RPGRIP1L: variants seen among roughly 807,000 people sequenced by gnomAD.
The protein encoded by RPGRIP1L is protein fantom.
A neutral mutation model predicts 160.4 loss-of-function variants in RPGRIP1L; 131 were observed. That is an observed-to-expected ratio of 0.82 (90% confidence interval 0.71 to 0.94). RPGRIP1L has a LOEUF of 0.94. Ranked by LOEUF, RPGRIP1L falls within the 40% of genes least tolerant of loss-of-function variation. The pLI is 0.00. For synonymous variants in RPGRIP1L, 510 were observed against 515.8 expected (o/e 0.99, Z 0.15); for missense variants, 1,522 against 1,535.8 (o/e 0.99, Z 0.15).
At chr16:53,686,290 G>T in intron 6 of RPGRIP1L, 143 bp downstream of exon 6, 1 of 909,862 alleles carries the variant, frequency 1.1e-6, no homozygotes, top group Non-Finnish European at 1.7e-6. Context: ...CAGTTAGTAG[G>T]TCGAGCATAG....
intron 4 of RPGRIP1L, among the ~76,000 whole-genome samples, chr16:53,689,881 A>C (rs975204022): frequency 1.3e-5 from 2 of 152,214 alleles, no homozygotes; most frequent in Non-Finnish European, 2.9e-5. Context: ...AATCACCAAG[A>C]GAGTACAAAT....
intron 1 of RPGRIP1L, among the ~76,000 whole-genome samples, chr16:53,702,814 G>A (rs1971562285): frequency 6.6e-6 from 1 of 151,710 alleles, no homozygotes; most frequent in Non-Finnish European, 1.5e-5. Context: ...CACCAAGCAT[G>A]GCTTGTATCT....
intron 24 of RPGRIP1L, among the ~76,000 whole-genome samples, chr16:53,611,787 A>C (rs925997085): frequency 6.6e-6 from 1 of 152,200 alleles, no homozygotes; most frequent in Non-Finnish European, 1.5e-5. Context: ...GAACAGTACA[A>C]TTTTCATCCT....
At chr16:53,670,392 T>C (rs1968614811) in intron 9 of RPGRIP1L, among the ~76,000 whole-genome samples, 1 of 152,202 alleles carries the variant, frequency 6.6e-6, no homozygotes, top group Admixed American at 6.5e-5. Flanking sequence ...CTATAACATA[T>C]GTATTTAAGT....
intron 2 of RPGRIP1L, among the ~76,000 whole-genome samples, chr16:53,699,022 CTT>C (rs1971143002): frequency 1.3e-5 from 2 of 152,118 alleles, no homozygotes; most frequent in Admixed American, 1.3e-4. Flanking sequence ...ACATGGGAGA[CTT>C]TTCATTTTGT....
intron 22 of RPGRIP1L, among the ~76,000 whole-genome samples, chr16:53,625,870 G>C (rs1245580665): frequency 6.6e-6 from 1 of 151,980 alleles, no homozygotes; most frequent in Admixed American, 6.6e-5. Flanking sequence ...TGAAACATGT[G>C]CTGTGTCAAC....
rs756141067 is a variant in RPGRIP1L, at chr16:53,652,854, G to C, written c.1833C>G (p.Ile611Met). ...ERGENLFEIH[I>M]NKVTFSSEVL... is the part of the protein sequence containing the mutation. ...CTTCAGAAGAAAAGGTTACTTTGTTGATATGGATTTCAAATAGATTTTCGC... is the reference window on the plus strand; with the variant it reads ...CTTCAGAAGAAAAGGTTACTTTGTTCATATGGATTTCAAATAGATTTTCGC... The change falls in exon 15 of 27, where the codon ATC (isoleucine) becomes ATG (methionine). Residue 611 changes from isoleucine to methionine, a missense_variant. Transcript: ENST00000647211. 3.1e-6 allele frequency: 5 copies of C among 1,612,960 alleles called. No individual in the cohort carries two copies. The highest frequency in any genetic ancestry group is 4.2e-6 in the Non-Finnish European group (5 of 1,179,570).
chr16:53,703,530 G>A (rs184745762), intron 1 of RPGRIP1L: 1 of 163,622 alleles, frequency 6.1e-6, no homozygotes, highest in African/African-American at 2.4e-5. Context: ...GGATAGAGAT[G>A]GCAATTAGCA....
chr16:53,608,642 T>C (rs1598211866), intron 25 of RPGRIP1L, among the ~76,000 whole-genome samples: 1 of 152,326 alleles, frequency 6.6e-6, no homozygotes. Flanking sequence ...ACTTTAGACA[T>C]GTCGGGGAAG....
Position 53,641,398 on chromosome 16 carries a change from G to C in RPGRIP1L, c.2761C>G (p.Leu921Val), listed in dbSNP as rs752374495. The change falls in exon 18 of 27, where the codon CTT becomes GTT. Residue 921 changes from leucine to valine, a missense_variant. By Grantham distance (32) the Leu-to-Val change is conservative. Coordinates refer to ENST00000647211, the MANE Select transcript of RPGRIP1L (RefSeq NM_015272.5). ...GTTGTTATTGATCCACTTGGTGGAA[G>C]GTAAGCAAATTTCCATTTCAATATA... is the stretch of plus-strand genomic sequence containing the variant. The part of the protein sequence containing the change: ...HVILKWKFAY[L>V]PPSGSITTED... 6.2e-7 allele frequency: 1 copy of C among 1,614,022 alleles called. No homozygotes were observed. Among genetic ancestry groups the C allele is most frequent in the African/African-American group, 1.3e-5 (1 of 75,036 alleles).
intron 1 of RPGRIP1L, among the ~76,000 whole-genome samples, chr16:53,702,692 T>C (rs532352808): frequency 2.6e-5 from 4 of 151,754 alleles, no homozygotes; most frequent in South Asian, 2.1e-4. Flanking sequence ...CTTTTCTTTT[T>C]TTTTTTTTTG....
intron 14 of RPGRIP1L, among the ~76,000 whole-genome samples, chr16:53,656,246 G>T (rs959995074): frequency 6.6e-6 from 1 of 152,092 alleles, no homozygotes; most frequent in Non-Finnish European, 1.5e-5. Flanking sequence ...GACGATTTGA[G>T]CCCAGGAGTT....
At chr16:53,644,849 C>T (rs955356064) in intron 17 of RPGRIP1L, among the ~76,000 whole-genome samples, 2 of 152,078 alleles carry the variant, frequency 1.3e-5, no homozygotes, top group African/African-American at 4.8e-5. Flanking sequence ...GTTCTTCAGG[C>T]TGAAGGAAAG....
At chr16:53,678,827 T>C (rs1969396232) in intron 6 of RPGRIP1L, among the ~76,000 whole-genome samples, 1 of 152,144 alleles carries the variant, frequency 6.6e-6, no homozygotes, top group South Asian at 2.1e-4. Context: ...AAAAGCACTC[T>C]AGATTTTCTT....
intron 6 of RPGRIP1L, 113 bp downstream of exon 6, chr16:53,686,320 A>C (rs2151316935): frequency 1.7e-6 from 2 of 1,153,516 alleles, no homozygotes; most frequent in Non-Finnish European, 2.5e-6. Flanking sequence ...AAGAATGTTA[A>C]GTAAAAACAT....
At chr16:53,650,736 G>A (rs750612426) in intron 15 of RPGRIP1L, among the ~76,000 whole-genome samples, 3 of 151,990 alleles carry the variant, frequency 2.0e-5, no homozygotes, top group Non-Finnish European at 2.9e-5. Flanking sequence ...AATAAAATCC[G>A]TCCTGAGACC....
chr16:53,601,922 T>C lies in RPGRIP1L; in HGVS notation c.*154A>G. Reference sequence around the variant, plus strand: ...AGAGAAATAAACAAATGAAAAAGTATACAAAACTTCAACACTTCAAACCCA... The same window carrying C: ...AGAGAAATAAACAAATGAAAAAGTACACAAAACTTCAACACTTCAAACCCA... On this transcript the variant is annotated 3_prime_UTR_variant, in exon 27 of 27. Transcript: ENST00000647211. 2 of 653,092 alleles carry C rather than the reference T, an allele frequency of 3.1e-6. No individual in the cohort carries two copies. Among genetic ancestry groups the C allele is most frequent in the East Asian group, 2.8e-5 (1 of 35,812 alleles). 40.5% of individuals were successfully genotyped at this position (653,092 alleles called of 1,614,324 possible). A position where few individuals can be genotyped will look rare whatever the true frequency, so the allele number is the denominator to read the frequency against.
At chr16:53,663,487 C>G (rs1456892184) in intron 10 of RPGRIP1L, among the ~76,000 whole-genome samples, 1 of 152,048 alleles carries the variant, frequency 6.6e-6, no homozygotes, top group Non-Finnish European at 1.5e-5. Context: ...GGCAATTTAT[C>G]TGCTCTTGGA....
chr16:53,641,052 A>G lies in RPGRIP1L; in HGVS notation c.2939T>C (p.Ile980Thr). 6.2e-7 allele frequency: 1 copy of G among 1,613,036 alleles called. No homozygotes were observed. The highest frequency in any genetic ancestry group is 2.2e-5 in the East Asian group (1 of 44,852). ...ACTTACATCACTCTGATGTGGCATG[A>G]TATCCACGAAAGATACCTTCTTATC... ...PVDKKVSFVD[I>T]MPHQSDETSP... Residue 980 changes from isoleucine to threonine, a missense_variant, in exon 19 of 27, where the codon ATC (isoleucine) becomes ACC (threonine). Coordinates refer to ENST00000647211, the MANE Select transcript of RPGRIP1L (RefSeq NM_015272.5).
Sources: allele counts gnomAD v4.1 joint callset (sites outside exome capture counted in the v4.1 genomes callset), GRCh38; gene constraint gnomAD v4.1.1; transcripts MANE v1.5; gene names NCBI Gene and HGNC (gene_info 2026-07-23, HGNC 2026-07-21).